TRIM26: variants seen among roughly 807,000 people sequenced by gnomAD.
TRIM26 encodes tripartite motif containing 26.
A neutral mutation model predicts 45.5 loss-of-function variants in TRIM26; 16 were observed. That is an observed-to-expected ratio of 0.35 (90% CI 0.24 to 0.53). TRIM26 has a LOEUF of 0.53. Ranked by LOEUF, TRIM26 falls within the 20% of genes least tolerant of loss-of-function variation. The pLI, the probability that TRIM26 is intolerant of heterozygous loss-of-function variation, is 0.92. For synonymous variants in TRIM26, 273 were observed against 290.4 expected (o/e 0.94, Z 0.61); for missense variants, 442 against 691.1 (o/e 0.64, Z 4.04).
In TRIM26 at chr6:30,186,734, G is replaced by A. The variant is rs145860413; in HGVS notation, c.938-176C>T. The stretch of plus-strand genomic sequence containing the variant: ...TAAGTGTGACACATTTTCTGGCTTT[G>A]TATTCTGCTAAATCACCATAACTAA... On this transcript the variant is annotated intron_variant, in intron 9 of 9. Coordinates refer to ENST00000454678, the MANE Select transcript of TRIM26 (RefSeq NM_003449.5). This position sits in a 1 kb window ranked among gnomAD's most constrained non-coding sequence, Gnocchi z 7.4. 2,267 of 1,025,300 alleles carry A rather than the reference G, an allele frequency of 2.2e-3. 7 individuals are homozygous for A. Among genetic ancestry groups the A allele is most frequent in the African/African-American group, 0.012 (727 of 61,718 alleles). The allele number at this position is 1,025,300 out of a possible 1,614,324, so 63.5% of individuals were successfully genotyped here.
Position 30,198,128 on chromosome 6 carries a change from G to A in TRIM26, c.534+301C>T, listed in dbSNP as rs1331790775. On this transcript the variant is annotated intron_variant, in intron 5 of 9. Transcript: ENST00000454678. This position sits in a 1 kb window ranked among gnomAD's most constrained non-coding sequence, Gnocchi z 6.3. ...CCACACCTTCTTCAGTCCCCTGGCA[G>A]AAGAGAACCAGCAGCTGGACATGGG... Among the ~76,000 whole-genome samples, 5 of 152,194 alleles carry A rather than the reference G, an allele frequency of 3.3e-5. No homozygotes were observed. Among genetic ancestry groups the A allele is most frequent in the African/African-American group, 1.2e-4 (5 of 41,442 alleles).
intron 1 of TRIM26, among the ~76,000 whole-genome samples, chr6:30,205,303 T>C (rs891582745): frequency 2.0e-5 from 3 of 152,066 alleles, no homozygotes; most frequent in African/African-American, 4.8e-5. Context: ...ACCAGGAAGA[T>C]GCAACAAACA....
At chr6:30,206,693 T>G (rs1019744405) in intron 1 of TRIM26, among the ~76,000 whole-genome samples, 7 of 152,242 alleles carry the variant, frequency 4.6e-5, no homozygotes, top group Admixed American at 1.3e-4. Context: ...CACATCAGAT[T>G]TGTAGTCTTC....
chr6:30,188,378 T>C (rs1193419673), intron 9 of TRIM26: 2 of 416,934 alleles, frequency 4.8e-6, no homozygotes, highest in Non-Finnish European at 8.9e-6. Context: ...GTAAGATGGT[T>C]CAAGAAACCC....
chr6:30,213,132 G>A (rs1182901862), intron 1 of TRIM26, among the ~76,000 whole-genome samples, 173 bp downstream of exon 1: 1 of 152,202 alleles, frequency 6.6e-6, no homozygotes. Flanking sequence ...CAAGCAAACA[G>A]GAGGGATCTG....
In TRIM26 at chr6:30,185,524, G is replaced by A. The variant is rs184983378; in HGVS notation, c.*352C>T. 455 of 325,048 alleles carry A rather than the reference G, an allele frequency of 1.4e-3. 4 individuals are homozygous for A. The highest frequency in any genetic ancestry group is 8.6e-3 in the Middle Eastern group (13 of 1,504). 20.1% of individuals were successfully genotyped at this position (325,048 alleles called of 1,614,324 possible). On this transcript the variant is annotated 3_prime_UTR_variant, in exon 10 of 10. Coordinates refer to ENST00000454678, the MANE Select transcript of TRIM26 (RefSeq NM_003449.5). This position sits in a 1 kb window ranked among gnomAD's most constrained non-coding sequence, Gnocchi z 5.7. ...AGGCGTAATTGACTGGTTTTTCTGA[G>A]GTCTTGCCACACTGGGCAAGAAAAT... is the stretch of plus-strand genomic sequence containing the variant.
Position 30,186,324 on chromosome 6 carries a change from T to G in TRIM26, c.1172A>C (p.Glu391Ala), listed in dbSNP as rs761048117. The change falls in exon 10 of 10, where the codon GAG becomes GCG. Residue 391 changes from glutamate (E) to alanine (A), a missense_variant. By Grantham distance (107) the Glu-to-Ala change is moderately radical. Transcript: ENST00000454678. The surrounding 1 kb of genome is among the most constrained non-coding windows in gnomAD (Gnocchi z 7.4). ...EDEEEGDEEEEGEEEEEEEEA... is the reference protein window; with the variant it reads ...EDEEEGDEEEAGEEEEEEEEA... The stretch of plus-strand genomic sequence containing the variant: ...CTCTTCCTCCTCCTCCTCTTCTCCC[T>G]CTTCCTCCTCATCCCCCTCTTCTTC... The G allele has an allele frequency of 9.3e-6, 15 of 1,611,682 alleles. No individual in the cohort carries two copies. The Admixed American group carries it at 2.5e-4, about 27-fold the overall frequency.
In TRIM26 at chr6:30,186,971, C is replaced by T; in HGVS notation, c.938-413G>A. On this transcript the variant is annotated intron_variant, in intron 9 of 9. Coordinates refer to ENST00000454678, the MANE Select transcript of TRIM26 (RefSeq NM_003449.5). This position sits in a 1 kb window ranked among gnomAD's most constrained non-coding sequence, Gnocchi z 7.4. Reference sequence around the variant, plus strand: ...AAAAAGTCCTCTTTTTCAAGTAACTCTTGATATGCTTCTTGGTAATCCGGA... The same window carrying T: ...AAAAAGTCCTCTTTTTCAAGTAACTTTTGATATGCTTCTTGGTAATCCGGA... 2.2e-6 allele frequency: 1 copy of T among 447,726 alleles called. No individual in the cohort carries two copies. The allele number at this position is 447,726 out of a possible 1,614,324, so 27.7% of individuals were successfully genotyped here.
In TRIM26 at chr6:30,207,315, C is replaced by T. The variant is rs745567363; in HGVS notation, c.-375-2550G>A. Among the ~76,000 whole-genome samples, 1 of 152,098 alleles carries T rather than the reference C, an allele frequency of 6.6e-6. No individual in the cohort carries two copies. Among genetic ancestry groups the T allele is most frequent in the Non-Finnish European group, 1.5e-5 (1 of 68,016 alleles). On this transcript the variant is annotated intron_variant, in intron 1 of 9. Transcript: ENST00000454678. The surrounding 1 kb of genome is among the most constrained non-coding windows in gnomAD (Gnocchi z 4.9). ...TAGGTGCCGACTATGTGTCAGGCAC[C>T]GAGGTTACAGCAGAGAACAAAAGTG...
Position 30,196,893 on chromosome 6 carries a change from T to C in TRIM26, c.535-147A>G, listed in dbSNP as rs1776537335. ...CTGGAGTGGGAGGAGCTACAGAGGGTTCCTGGTCCACACTCCGCTTCTCAA... is the reference window on the plus strand; with the variant it reads ...CTGGAGTGGGAGGAGCTACAGAGGGCTCCTGGTCCACACTCCGCTTCTCAA... On this transcript the variant is annotated intron_variant, in intron 5 of 9. Transcript: ENST00000454678. This position sits in a 1 kb window ranked among gnomAD's most constrained non-coding sequence, Gnocchi z 4.9. The C allele has an allele frequency of 9.7e-6, 7 of 721,666 alleles. No homozygotes were observed. The highest frequency in any genetic ancestry group is 9.2e-5 in the South Asian group (5 of 54,514). The allele number at this position is 721,666 out of a possible 1,614,324, so 44.7% of individuals were successfully genotyped here.
Position 30,196,825 on chromosome 6 carries a change from G to T in TRIM26, c.535-79C>A. 6.9e-7 allele frequency: 1 copy of T among 1,456,310 alleles called. No homozygotes were observed. The highest frequency in any genetic ancestry group is 9.5e-7 in the Non-Finnish European group (1 of 1,053,120). The allele number at this position is 1,456,310 out of a possible 1,614,324, so 90.2% of individuals were successfully genotyped here. On this transcript the variant is annotated intron_variant, in intron 5 of 9. Transcript: ENST00000454678. The surrounding 1 kb of genome is among the most constrained non-coding windows in gnomAD (Gnocchi z 4.9). Reference sequence around the variant, plus strand: ...CCCAGTGCTGGAGGTGTGCAAGGCTGGCTCGTTCACCTCGCTACCCCCGTT... The same window carrying T: ...CCCAGTGCTGGAGGTGTGCAAGGCTTGCTCGTTCACCTCGCTACCCCCGTT...
intron 2 of TRIM26, among the ~76,000 whole-genome samples, chr6:30,201,857 AAAAG>A (rs1408901690): frequency 3.3e-5 from 5 of 152,038 alleles, no homozygotes; most frequent in African/African-American, 9.7e-5. Flanking sequence ...CAAAAAAAAA[AAAAG>A]AAAGAAATGC....
rs114014116 is a variant in TRIM26 at position 30,196,881 on chromosome 6, A to T, written c.535-135T>A. 2.8e-3 allele frequency: 2,265 copies of T among 802,584 alleles called. 33 individuals are homozygous for T. In the African/African-American group the frequency reaches 0.034, roughly 12 times the overall value. 49.7% of individuals were successfully genotyped at this position (802,584 alleles called of 1,614,324 possible). ...ATTCTACAGGATCTGGAGTGGGAGG[A>T]GCTACAGAGGGTTCCTGGTCCACAC... On this transcript the variant is annotated intron_variant, in intron 5 of 9. Transcript: ENST00000454678. This position sits in a 1 kb window ranked among gnomAD's most constrained non-coding sequence, Gnocchi z 4.9.
At chr6:30,205,670 T>G (rs1390323243) in intron 1 of TRIM26, among the ~76,000 whole-genome samples, 1 of 152,080 alleles carries the variant, frequency 6.6e-6, no homozygotes, top group Non-Finnish European at 1.5e-5. Flanking sequence ...AGACATTGTC[T>G]CCAAAAAAAG....
At chr6:30,191,603 G>C (rs1404852661) in intron 6 of TRIM26, among the ~76,000 whole-genome samples, 1 of 152,106 alleles carries the variant, frequency 6.6e-6, no homozygotes, top group African/African-American at 2.4e-5. Context: ...TCCTGGAGAG[G>C]GTGAGATTTG....
chr6:30,186,766 T>G lies in TRIM26; in HGVS notation c.938-208A>C. On this transcript the variant is annotated intron_variant, in intron 9 of 9. Coordinates refer to ENST00000454678, the MANE Select transcript of TRIM26 (RefSeq NM_003449.5). The surrounding 1 kb of genome is among the most constrained non-coding windows in gnomAD (Gnocchi z 7.4). ...GCTAAATCACCATAACTAAACTGCT[T>G]TATAAACATGATATACTGAAATTTA... The G allele has an allele frequency of 9.8e-7, 1 of 1,025,570 alleles. No individual in the cohort carries two copies. Among genetic ancestry groups the G allele is most frequent in the Non-Finnish European group, 1.5e-6 (1 of 683,932 alleles). The allele number at this position is 1,025,570 out of a possible 1,614,324, so 63.5% of individuals were successfully genotyped here. A position where few individuals can be genotyped will look rare whatever the true frequency, so the allele number is the denominator to read the frequency against.
At chr6:30,191,623 T>C (rs563190419) in intron 6 of TRIM26, among the ~76,000 whole-genome samples, 1 of 152,084 alleles carries the variant, frequency 6.6e-6, no homozygotes, top group Non-Finnish European at 1.5e-5. Flanking sequence ...GGGAAACAAA[T>C]GGAATTAACA....
At chr6:30,199,328 G>A (rs1449590223) in intron 3 of TRIM26, 64 bp from the exon 4 acceptor site, 3 of 469,050 alleles carry the variant, frequency 6.4e-6, no homozygotes, top group Non-Finnish European at 1.1e-5. Context: ...CTTCCTCATT[G>A]TACAGATAAG....
rs1337917840 is a variant in TRIM26 at position 30,186,144 on chromosome 6, T to C, written c.1352A>G (p.Asp451Gly). 6.3e-7 allele frequency: 1 copy of C among 1,592,018 alleles called. No individual in the cohort carries two copies. Among genetic ancestry groups the C allele is most frequent in the African/African-American group, 1.4e-5 (1 of 74,042 alleles). The change falls in exon 10 of 10, where the codon GAC becomes GGC. Residue 451 changes from aspartate (D) to glycine (G), a missense_variant. Coordinates refer to ENST00000454678, the MANE Select transcript of TRIM26 (RefSeq NM_003449.5). This position sits in a 1 kb window ranked among gnomAD's most constrained non-coding sequence, Gnocchi z 7.4. ...VARDSVKRKG[D>G]LSLRPEDGVW... ...GCCATCCTCTGGCCGCAGGGAGAGG[T>C]CTCCCTTCCTCTTCACAGAGTCTCT... is the stretch of plus-strand genomic sequence containing the variant.
Sources: allele counts gnomAD v4.1 joint callset (sites outside exome capture counted in the v4.1 genomes callset), GRCh38; gene constraint gnomAD v4.1.1; non-coding constraint Gnocchi (gnomAD v3.1); transcripts MANE v1.5; gene names NCBI Gene and HGNC (gene_info 2026-07-23, HGNC 2026-07-21).